The following BRD3 variants were observed in gnomAD, a reference collection of about 807,000 sequenced individuals.
BRD3 encodes the protein bromodomain containing 3.
A neutral mutation model predicts 66.8 loss-of-function variants in BRD3; 17 were observed. The observed-to-expected ratio is 0.25, with a 90% CI of 0.17 to 0.38. The LOEUF (loss-of-function observed/expected upper bound fraction) is 0.38. Among genes scored for constraint, BRD3 ranks in the 10% least tolerant of loss-of-function variants. BRD3 has a pLI of 1.00. For missense variants in BRD3, 713 were observed against 956.1 expected (o/e 0.75, Z 3.35); for synonymous variants, 421 against 393.2 (o/e 1.07, Z -0.84).
Position 134,040,288 on chromosome 9 carries a change from C to A in BRD3, c.1408-19G>T. The A allele has an allele frequency of 6.3e-7, 1 of 1,583,728 alleles. No homozygotes were observed. Among genetic ancestry groups the A allele is most frequent in the East Asian group, 2.3e-5 (1 of 43,824 alleles). On this transcript the variant is annotated intron_variant, in intron 8 of 11. Transcript: ENST00000303407. Reference sequence around the variant, plus strand: ...CCTTCAGCTGGAAAAGAGCGGGCGGCTGAGCAGGTGCTGGGCACGGCCCAC... The same window carrying A: ...CCTTCAGCTGGAAAAGAGCGGGCGGATGAGCAGGTGCTGGGCACGGCCCAC...
At chr9:134,055,233 G>A (rs113158577) in intron 1 of BRD3, among the ~76,000 whole-genome samples, 2,397 of 152,314 alleles carry the variant, frequency 0.016, 24 homozygotes, top group Middle Eastern at 0.037. Context: ...CGCACCGCAG[G>A]GTGATCCTGT....
At chr9:134,060,621 C>CACACAT (rs1491215754) in intron 1 of BRD3, among the ~76,000 whole-genome samples, 1 of 148,092 alleles carries the variant, frequency 6.8e-6, no homozygotes, top group Admixed American at 6.7e-5. Flanking sequence ...CACACACACA[C>CACACAT]GATCTGGAAT....
At chr9:134,050,659 C>T in intron 4 of BRD3, 71 bp from the exon 5 acceptor site, 1 of 1,311,072 alleles carries the variant, frequency 7.6e-7, no homozygotes, top group Non-Finnish European at 1.1e-6. Context: ...CAGTGCCACC[C>T]CTCCAGCCAG....
Position 134,051,645 on chromosome 9 carries a change from T to G in BRD3, c.416A>C (p.Gln139Pro). The change falls in exon 4 of 12, where the codon CAG becomes CCG. Residue 139 changes from glutamine (Q) to proline (P), a missense_variant. By Grantham distance (76) the Gln-to-Pro change is moderately conservative. This residue lies in a region of BRD3 where 85 missense variants were observed against 152.4 expected (regional missense o/e 0.56). Coordinates refer to ENST00000303407, the MANE Select transcript of BRD3 (RefSeq NM_007371.4). The stretch of plus-strand genomic sequence containing the variant: ...TAATTCAACTTCCTCTTGGGGCATC[T>G]GGGCCACTTTTTGTAGAAAAATTTT... ...LEKIFLQKVA[Q>P]MPQEEVELLP... 6.3e-7 allele frequency: 1 copy of G among 1,591,048 alleles called. No homozygotes were observed. Among genetic ancestry groups the G allele is most frequent in the South Asian group, 1.2e-5 (1 of 86,634 alleles).
chr9:134,047,723 G>A (rs1422738373), intron 6 of BRD3, among the ~76,000 whole-genome samples: 2 of 152,226 alleles, frequency 1.3e-5, no homozygotes, highest in African/African-American at 4.8e-5. Context: ...CGGGGCTTGA[G>A]GGAAGCAAAG....
At chr9:134,042,774 CATAT>C (rs1394984292) in intron 7 of BRD3, among the ~76,000 whole-genome samples, 1 of 125,770 alleles carries the variant, frequency 8.0e-6, no homozygotes, top group Non-Finnish European at 1.6e-5. Context: ...TACACACACA[CATAT>C]ATATACACAA....
intron 10 of BRD3, 30 bp from the exon 11 acceptor site, chr9:134,034,859 G>A: frequency 6.2e-7 from 1 of 1,609,112 alleles, no homozygotes; most frequent in Non-Finnish European, 8.5e-7. Flanking sequence ...CACTCAGACT[G>A]CAGAGCAGAC....
Position 134,031,268 on chromosome 9 carries a change from C to G in BRD3, c.*2322G>C. On this transcript the variant is annotated 3_prime_UTR_variant, in exon 12 of 12. Coordinates refer to ENST00000303407, the MANE Select transcript of BRD3 (RefSeq NM_007371.4). ...TGCGCTGCCCCCACAGCCGGCCGCTCCCCCGACGGCTCACACAGGCAGCAC... is the reference window on the plus strand; with the variant it reads ...TGCGCTGCCCCCACAGCCGGCCGCTGCCCCGACGGCTCACACAGGCAGCAC... 1 of 209,748 alleles carries G rather than the reference C, an allele frequency of 4.8e-6. No individual in the cohort carries two copies. Among genetic ancestry groups the G allele is most frequent in the Non-Finnish European group, 9.7e-6 (1 of 103,262 alleles). The allele number at this position is 209,748 out of a possible 1,614,324, so 13.0% of individuals were successfully genotyped here. A position where few individuals can be genotyped will look rare whatever the true frequency, so the allele number is the denominator to read the frequency against.
At position 134,053,673 on chromosome 9, in the gene BRD3, G is replaced by A. The variant is rs1419931843; in HGVS notation, c.-113-83C>T. The A allele has an allele frequency of 3.9e-6, 5 of 1,276,340 alleles. No homozygotes were observed. In the East Asian group the frequency reaches 7.7e-5, roughly 20 times the overall value. 79.1% of individuals were successfully genotyped at this position (1,276,340 alleles called of 1,614,324 possible). A position where few individuals can be genotyped will look rare whatever the true frequency, so the allele number is the denominator to read the frequency against. The stretch of plus-strand genomic sequence containing the variant: ...CTCCCAGCCTCGGCGGGCTCCTGAG[G>A]GCACCTGTCGGGCCTCAGCAGGGCC... On this transcript the variant is annotated intron_variant, in intron 1 of 11. Coordinates refer to ENST00000303407, the MANE Select transcript of BRD3 (RefSeq NM_007371.4).
chr9:134,053,719 A>C, intron 1 of BRD3, 129 bp from the exon 2 acceptor site: 4 of 783,304 alleles, frequency 5.1e-6, no homozygotes, highest in Non-Finnish European at 5.7e-6. Flanking sequence ...ACTCACCCCC[A>C]TTGCCCAGCC....
chr9:134,054,459 G>T (rs1564557563), intron 1 of BRD3: 1 of 152,370 alleles, frequency 6.6e-6, no homozygotes, highest in Non-Finnish European at 1.5e-5. Flanking sequence ...CATGGCCAGG[G>T]CCCTGCGGCG....
At chr9:134,040,890 G>A (rs1024425074) in intron 8 of BRD3, among the ~76,000 whole-genome samples, 3 of 152,128 alleles carry the variant, frequency 2.0e-5, no homozygotes, top group Non-Finnish European at 4.4e-5. Context: ...CAAGCGCCTC[G>A]CCCTCCCCAC....
At chr9:134,047,418 C>CCGGTGGAGCTCACCCTGGCTTGGGG (rs1202830757) in intron 6 of BRD3, among the ~76,000 whole-genome samples, 1 of 152,192 alleles carries the variant, frequency 6.6e-6, no homozygotes, top group Non-Finnish European at 1.5e-5. Flanking sequence ...CAGGGAAGAC[C>CCGGTGGAGCTCACCCTGGCTTGGGG]CGGTGGAGCT....
intron 8 of BRD3, 54 bp from the exon 9 acceptor site, chr9:134,040,323 G>A: frequency 6.5e-7 from 1 of 1,543,960 alleles, no homozygotes; most frequent in South Asian, 1.2e-5. Context: ...CACCACTGGG[G>A]CTGCGTGGCG....
At chr9:134,048,910 G>A (rs1830232812) in intron 5 of BRD3, among the ~76,000 whole-genome samples, 1 of 152,222 alleles carries the variant, frequency 6.6e-6, no homozygotes, top group Non-Finnish European at 1.5e-5. Context: ...GAGAGCGGGG[G>A]CTCCGCGGAC....
chr9:134,061,965 G>T (rs1013753132), intron 1 of BRD3, among the ~76,000 whole-genome samples: 8 of 152,146 alleles, frequency 5.3e-5, no homozygotes, highest in Non-Finnish European at 8.8e-5. Context: ...GCGGCCAGAG[G>T]GGCCTCCCCA....
rs538259901 is a variant in BRD3 at position 134,059,261 on chromosome 9, C to T, written c.-113-5671G>A. Among the ~76,000 whole-genome samples the T allele has an allele frequency of 2.0e-5, 3 of 152,332 alleles. No individual in the cohort carries two copies. In the South Asian group the frequency reaches 6.2e-4, roughly 32 times the overall value. On this transcript the variant is annotated intron_variant, in intron 1 of 11. Coordinates refer to ENST00000303407, the MANE Select transcript of BRD3 (RefSeq NM_007371.4). Reference sequence around the variant, plus strand: ...GGGTGCACCTCCCTTCTCCCCGGGCCCCCAGCACCCCGTTCCTCAACACAC... The same window carrying T: ...GGGTGCACCTCCCTTCTCCCCGGGCTCCCAGCACCCCGTTCCTCAACACAC...
intron 9 of BRD3, among the ~76,000 whole-genome samples, chr9:134,038,286 C>G (rs201173649): frequency 0.1 from 15,187 of 152,078 alleles, 913 homozygotes; most frequent in African/African-American, 0.17. Flanking sequence ...TCCTGAGTAG[C>G]TGGGATTACA....
intron 1 of BRD3, among the ~76,000 whole-genome samples, chr9:134,066,601 G>A (rs1830662043): frequency 6.6e-6 from 1 of 152,088 alleles, no homozygotes. Flanking sequence ...AAAGAGTAAG[G>A]GGAAAAGCCT....
Sources: gnomAD v4.1 joint callset for allele counts (sites outside exome capture counted in the v4.1 genomes callset) on GRCh38, gnomAD v4.1.1 for gene constraint, gnomAD v4.1.1 regional missense constraint, MANE v1.5 for transcripts, NCBI Gene and HGNC (gene_info 2026-07-23, HGNC 2026-07-21) for gene names.